LRRC4C: variants seen among roughly 807,000 people sequenced by gnomAD.
LRRC4C encodes leucine rich repeat containing 4C, also known as leucine-rich repeat-containing protein 4C.
In LRRC4C, 5 loss-of-function variants were observed where a neutral mutation model predicts 33.6. The ratio of observed to expected loss-of-function variants is 0.15; its 90% CI spans 0.08 to 0.31. The LOEUF is 0.31. Among genes scored for constraint, LRRC4C ranks in the 10% least tolerant of loss-of-function variants. LRRC4C has a pLI of 1.00. For missense variants in LRRC4C, 560 were observed against 796.7 expected (o/e 0.70, Z 3.58); for synonymous variants, 329 against 302.0 (o/e 1.09, Z -0.93).
At chr11:41,155,848 C>G (rs1944209079) in intron 1 of LRRC4C, among the ~76,000 whole-genome samples, 1 of 152,074 alleles carries the variant, frequency 6.6e-6, no homozygotes, top group Non-Finnish European at 1.5e-5. Flanking sequence ...TTATAGCTTT[C>G]AAAATCAAAA....
intron 1 of LRRC4C, among the ~76,000 whole-genome samples, chr11:41,030,189 C>T (rs183296200): frequency 6.6e-6 from 1 of 151,904 alleles, no homozygotes; most frequent in African/African-American, 2.4e-5. Flanking sequence ...ATATGAAAAA[C>T]AGCAGTGAAA....
At chr11:40,187,732 G>T (rs994394959) in intron 5 of LRRC4C, among the ~76,000 whole-genome samples, 1 of 152,178 alleles carries the variant, frequency 6.6e-6, no homozygotes. Context: ...AGTAAAATCA[G>T]TTCCTCCATC....
chr11:40,839,774 T>A (rs2135628053), intron 2 of LRRC4C, among the ~76,000 whole-genome samples: 1 of 152,266 alleles, frequency 6.6e-6, no homozygotes, highest in South Asian at 2.1e-4. Context: ...ACTTACCAAG[T>A]GGAATGAAGA....
chr11:40,385,887 T>TAAATAAATAAATAAATAAAA (rs529477379), intron 3 of LRRC4C, among the ~76,000 whole-genome samples: 1 of 147,946 alleles, frequency 6.8e-6, no homozygotes, highest in Admixed American at 6.8e-5. Context: ...AATAAATAAA[T>TAAATAAATAAATAAATAAAA]AAATAAAATA....
chr11:40,175,471 C>T (rs1459465043), intron 5 of LRRC4C, among the ~76,000 whole-genome samples: 5 of 152,130 alleles, frequency 3.3e-5, no homozygotes, highest in African/African-American at 1.2e-4. Context: ...TGACAGCCCA[C>T]AAAGAGAAAA....
rs910103065 is a variant in LRRC4C, at chr11:40,719,575, G to T, written c.-406-71297C>A. ...GAGGAAAGCAAAGCTGCTTTTGGAT[G>T]ATGAAAATTCTACTACTGAGGATAT... On this transcript the variant is annotated intron_variant, in intron 2 of 6. Coordinates refer to ENST00000528697, the MANE Select transcript of LRRC4C (RefSeq NM_001258419.2). Among the ~76,000 whole-genome samples the T allele has an allele frequency of 3.9e-5, 6 of 152,284 alleles. No individual in the cohort carries two copies. The East Asian group carries it at 9.7e-4, about 25-fold the overall frequency.
chr11:40,873,496 T>C (rs1336441626), intron 2 of LRRC4C, among the ~76,000 whole-genome samples: 1 of 152,140 alleles, frequency 6.6e-6, no homozygotes, highest in Non-Finnish European at 1.5e-5. Flanking sequence ...CCTCTATCAC[T>C]GGACCTAAGG....
At chr11:40,823,749 G>A (rs1453641358) in intron 2 of LRRC4C, among the ~76,000 whole-genome samples, 2 of 151,722 alleles carry the variant, frequency 1.3e-5, no homozygotes, top group East Asian at 3.9e-4. Flanking sequence ...ATGTAAAATG[G>A]TAAAGCTCCT....
chr11:40,478,346 A>C (rs1953355794), intron 3 of LRRC4C, among the ~76,000 whole-genome samples: 1 of 152,196 alleles, frequency 6.6e-6, no homozygotes, highest in Non-Finnish European at 1.5e-5. Flanking sequence ...AAGTTATCCT[A>C]TTAATTCTGG....
At chr11:40,452,665 A>G (rs1050530576) in intron 3 of LRRC4C, among the ~76,000 whole-genome samples, 9 of 152,126 alleles carry the variant, frequency 5.9e-5, no homozygotes, top group South Asian at 2.1e-4. Flanking sequence ...ATTTGACCCA[A>G]CCATCCCATT....
chr11:41,141,022 A>T (rs1485641501), intron 1 of LRRC4C, among the ~76,000 whole-genome samples: 3 of 152,176 alleles, frequency 2.0e-5, no homozygotes, highest in African/African-American at 7.2e-5. Flanking sequence ...TTCCAGAATT[A>T]TATCTATGAT....
At chr11:40,775,476 A>C (rs1949953132) in intron 2 of LRRC4C, among the ~76,000 whole-genome samples, 1 of 151,530 alleles carries the variant, frequency 6.6e-6, no homozygotes, top group African/African-American at 2.4e-5. Context: ...CAACTACTTA[A>C]CTCTGTCCTT....
intron 2 of LRRC4C, among the ~76,000 whole-genome samples, chr11:40,660,377 G>A (rs1360450485): frequency 5.9e-5 from 9 of 152,202 alleles, no homozygotes; most frequent in Admixed American, 1.3e-4. Context: ...GGCCCAAGCA[G>A]AACTCGGGCA....
intron 1 of LRRC4C, among the ~76,000 whole-genome samples, chr11:41,376,730 G>C (rs1032868821): frequency 6.6e-6 from 1 of 151,946 alleles, no homozygotes; most frequent in Non-Finnish European, 1.5e-5. Flanking sequence ...ACAATATACT[G>C]ACACACACAT....
At chr11:41,306,522 A>G (rs1950510000) in intron 1 of LRRC4C, among the ~76,000 whole-genome samples, 1 of 152,252 alleles carries the variant, frequency 6.6e-6, no homozygotes, top group African/African-American at 2.4e-5. Flanking sequence ...CACACTGCGC[A>G]TATACTACAC....
At chr11:41,111,082 C>T (rs1941803541) in intron 1 of LRRC4C, among the ~76,000 whole-genome samples, 1 of 152,010 alleles carries the variant, frequency 6.6e-6, no homozygotes, top group Non-Finnish European at 1.5e-5. Flanking sequence ...GATGTTTTAA[C>T]TCATGTAAGC....
At chr11:40,138,839 G>C (rs982811189) in intron 6 of LRRC4C, among the ~76,000 whole-genome samples, 1 of 152,046 alleles carries the variant, frequency 6.6e-6, no homozygotes, top group Non-Finnish European at 1.5e-5. Context: ...TATCATTCTG[G>C]GTTGAATAAA....
At chr11:40,826,304 A>T (rs376180607) in intron 2 of LRRC4C, among the ~76,000 whole-genome samples, 11 of 151,946 alleles carry the variant, frequency 7.2e-5, no homozygotes, top group South Asian at 6.2e-4. Context: ...CAAAAGTCCC[A>T]TTAATAACAG....
At chr11:41,015,837 C>T (rs192230992) in intron 1 of LRRC4C, among the ~76,000 whole-genome samples, 375 of 151,716 alleles carry the variant, frequency 2.5e-3, no homozygotes, top group African/African-American at 7.8e-3. Context: ...CCTTTAAAAA[C>T]AAGAAAAAAA....
Sources: allele counts gnomAD v4.1 joint callset (sites outside exome capture counted in the v4.1 genomes callset), GRCh38; gene constraint gnomAD v4.1.1; transcripts MANE v1.5; gene names NCBI Gene and HGNC (gene_info 2026-07-23, HGNC 2026-07-21).